GRB10: variants seen among roughly 807,000 people sequenced by gnomAD.
GRB10 encodes growth factor receptor bound protein 10.
Under a neutral mutation model 80.9 loss-of-function variants are expected in GRB10, and 20 were observed. The ratio of observed to expected loss-of-function variants is 0.25; its 90% CI spans 0.17 to 0.36. The LOEUF (loss-of-function observed/expected upper bound fraction) is 0.36. Among genes scored for constraint, GRB10 ranks in the 10% least tolerant of loss-of-function variants. The probability of loss-of-function intolerance (pLI) is 1.00; values close to 1 mark genes in which losing one functional copy is unlikely to be tolerated. For missense variants in GRB10, 548 were observed against 747.7 expected, an observed-to-expected ratio of 0.73 and a Z score of 3.12; for synonymous variants, 291 against 291.5, an observed-to-expected ratio of 1.00 and a Z score of 0.02.
At chr7:50,745,935 C>G (rs1587787274) in intron 3 of GRB10, among the ~76,000 whole-genome samples, 1 of 152,218 alleles carries the variant, frequency 6.6e-6, no homozygotes, top group Non-Finnish European at 1.5e-5. Context: ...ATAGTGGCAT[C>G]AGATCTTAAT....
rs1247788239 is a variant in GRB10 at position 50,616,432 on chromosome 7, C to T, written c.847-85G>A. 10 of 1,313,302 alleles carry T rather than the reference C, an allele frequency of 7.6e-6. No individual in the cohort carries two copies. The Admixed American group carries it at 1.6e-4, about 20-fold the overall frequency. The allele number at this position is 1,313,302 out of a possible 1,614,324, so 81.4% of individuals were successfully genotyped here. A position where few individuals can be genotyped will look rare whatever the true frequency, so the allele number is the denominator to read the frequency against. On this transcript the variant is annotated intron_variant, in intron 10 of 18. Transcript: ENST00000401949. ...ATGTTATCAGCATAGCTGACATTTT[C>T]TGAATTATTAAAAGACTCCTTTTTG...
intron 17 of GRB10, among the ~76,000 whole-genome samples, chr7:50,603,520 C>T (rs1233028230): frequency 6.6e-6 from 1 of 152,200 alleles, no homozygotes; most frequent in Admixed American, 6.5e-5. Flanking sequence ...TGAACCTATC[C>T]TGGACTGTCC....
Position 50,612,949 on chromosome 7 carries a change from C to T in GRB10, c.1096-110G>A, listed in dbSNP as rs551149510. The T allele has an allele frequency of 1.2e-5, 9 of 744,236 alleles. No homozygotes were observed. In the South Asian group the frequency reaches 1.3e-4, roughly 11 times the overall value. 46.1% of individuals were successfully genotyped at this position (744,236 alleles called of 1,614,324 possible). On this transcript the variant is annotated intron_variant, in intron 12 of 18. Coordinates refer to ENST00000401949, the MANE Select transcript of GRB10 (RefSeq NM_001350814.2). ...AACCAGAGACAACCAGCTGGAGATC[C>T]CCCTAGCAAGGAGCACAGCAGATAC...
intron 8 of GRB10, among the ~76,000 whole-genome samples, chr7:50,620,770 C>A (rs939051653): frequency 9.2e-5 from 14 of 152,130 alleles, no homozygotes; most frequent in Admixed American, 9.2e-4. Flanking sequence ...GAACATGCAA[C>A]AAAAACTGTT....
At chr7:50,654,927 A>C (rs1303094991) in intron 7 of GRB10, among the ~76,000 whole-genome samples, 2 of 152,198 alleles carry the variant, frequency 1.3e-5, no homozygotes, top group African/African-American at 2.4e-5. Flanking sequence ...CCTCATCCAA[A>C]TTTAGCCAAG....
At chr7:50,693,234 T>A (rs1283087372) in intron 5 of GRB10, among the ~76,000 whole-genome samples, 2 of 152,122 alleles carry the variant, frequency 1.3e-5, no homozygotes, top group Non-Finnish European at 2.9e-5. Context: ...AAAACAAAAT[T>A]TTTTCTTGAT....
chr7:50,595,573 C>G (rs2046475396), intron 17 of GRB10, 43 bp from the exon 18 acceptor site: 1 of 963,930 alleles, frequency 1.0e-6, no homozygotes. Context: ...ATTTTAAAAT[C>G]TGGAACTAAT....
intron 7 of GRB10, among the ~76,000 whole-genome samples, chr7:50,641,536 C>A (rs1352061050): frequency 6.6e-6 from 1 of 152,226 alleles, no homozygotes; most frequent in Admixed American, 6.5e-5. Context: ...AAAGGACTTT[C>A]TTCAGGCCAG....
At chr7:50,631,779 A>G (rs1284057103) in intron 7 of GRB10, among the ~76,000 whole-genome samples, 3 of 152,228 alleles carry the variant, frequency 2.0e-5, no homozygotes, top group Non-Finnish European at 2.9e-5. Flanking sequence ...CCAGGAAGGC[A>G]AAGGAAGCCT....
At chr7:50,746,175 A>C (rs1244250300) in intron 3 of GRB10, among the ~76,000 whole-genome samples, 6 of 152,208 alleles carry the variant, frequency 3.9e-5, no homozygotes, top group Non-Finnish European at 8.8e-5. Context: ...CTTTATGATG[A>C]GTTGATGAGG....
chr7:50,773,104 CAAGAG>C (rs1171984773), intron 2 of GRB10, among the ~76,000 whole-genome samples: 1 of 152,008 alleles, frequency 6.6e-6, no homozygotes, highest in Admixed American at 6.6e-5. Context: ...TGGTGGCAGA[CAAGAG>C]AAGAGAACTT....
chr7:50,776,240 G>T (rs1282789646), intron 2 of GRB10, among the ~76,000 whole-genome samples: 1 of 152,048 alleles, frequency 6.6e-6, no homozygotes, highest in Non-Finnish European at 1.5e-5. Flanking sequence ...TGGAAACAGG[G>T]TCTCATTCTG....
chr7:50,779,219 A>G (rs2078024946), intron 2 of GRB10: 1 of 152,242 alleles, frequency 6.6e-6, no homozygotes, highest in Non-Finnish European at 1.5e-5. Context: ...ACCTTACTGC[A>G]CAAAGTGTGG....
intron 5 of GRB10, among the ~76,000 whole-genome samples, chr7:50,692,619 T>C (rs2062959075): frequency 6.6e-6 from 1 of 152,078 alleles, no homozygotes; most frequent in Admixed American, 6.6e-5. Context: ...AGTCTATTAA[T>C]TGCATGTGAG....
At chr7:50,619,379 T>G in intron 8 of GRB10, 94 bp from the exon 9 acceptor site, 1 of 801,212 alleles carries the variant, frequency 1.2e-6, no homozygotes, top group Admixed American at 1.8e-5. Context: ...CTTTCTATTC[T>G]TCTTTAAACA....
At chr7:50,653,073 T>C (rs1448425100) in intron 7 of GRB10, among the ~76,000 whole-genome samples, 2 of 152,170 alleles carry the variant, frequency 1.3e-5, no homozygotes, top group African/African-American at 2.4e-5. Flanking sequence ...CTGAGTGCAA[T>C]ATACCAGGGC....
intron 17 of GRB10, among the ~76,000 whole-genome samples, chr7:50,596,436 G>C (rs1232868003): frequency 6.6e-6 from 1 of 152,210 alleles, no homozygotes; most frequent in Non-Finnish European, 1.5e-5. Context: ...AGCCTAGGCT[G>C]AGCCCAGGCA....
intron 5 of GRB10, among the ~76,000 whole-genome samples, chr7:50,676,347 G>C (rs906001628): frequency 4.6e-5 from 7 of 151,130 alleles, no homozygotes; most frequent in East Asian, 1.9e-4. Flanking sequence ...GGGGGGGGGG[G>C]GGGTTGTAAG....
chr7:50,645,155 T>C (rs1332053331), intron 7 of GRB10, among the ~76,000 whole-genome samples: 1 of 152,250 alleles, frequency 6.6e-6, no homozygotes, highest in Non-Finnish European at 1.5e-5. Flanking sequence ...ATCTCCAAAA[T>C]ATATTTGCTA....
Sources: allele counts gnomAD v4.1 joint callset (sites outside exome capture counted in the v4.1 genomes callset), GRCh38; gene constraint gnomAD v4.1.1; transcripts MANE v1.5; gene names NCBI Gene and HGNC (gene_info 2026-07-23, HGNC 2026-07-21).